The following PRKCB variants were observed in gnomAD, a reference collection of about 807,000 sequenced individuals.
PRKCB encodes protein kinase C beta type.
In PRKCB, 13 loss-of-function variants were observed where a neutral mutation model predicts 81.5. The ratio of observed to expected loss-of-function variants is 0.16; its 90% confidence interval spans 0.10 to 0.25. The LOEUF is 0.25. Among genes scored for constraint, PRKCB ranks in the 10% least tolerant of loss-of-function variants. The probability of loss-of-function intolerance (pLI) is 1.00; values close to 1 mark genes in which losing one functional copy is unlikely to be tolerated. For synonymous variants in PRKCB, 335 were observed against 321.4 expected, an observed-to-expected ratio of 1.04 and a Z score of -0.45; for missense variants, 509 against 875.7, an observed-to-expected ratio of 0.58 and a Z score of 5.29.
chr16:23,894,904 T>A (rs1963352994), intron 2 of PRKCB, among the ~76,000 whole-genome samples: 3 of 152,346 alleles, frequency 2.0e-5, no homozygotes, highest in Admixed American at 2.0e-4. Context: ...TTGACAAGTT[T>A]TTGCTATTTT....
At chr16:24,042,217 T>G (rs1965706823) in intron 5 of PRKCB, among the ~76,000 whole-genome samples, 1 of 152,176 alleles carries the variant, frequency 6.6e-6, no homozygotes, top group African/African-American at 2.4e-5. Flanking sequence ...GAGGGCCCAC[T>G]AGGGGGCAGT....
At chr16:24,160,629 G>A (rs1967239803) in intron 10 of PRKCB, among the ~76,000 whole-genome samples, 2 of 152,160 alleles carry the variant, frequency 1.3e-5, no homozygotes, top group Admixed American at 6.5e-5. Flanking sequence ...GCATCACCAT[G>A]ATGAGGTACA....
At position 24,013,239 on chromosome 16, in the gene PRKCB, T is replaced by C. The variant is rs111525521; in HGVS notation, c.289-18897T>C. Among the ~76,000 whole-genome samples, 356 of 152,352 alleles carry C rather than the reference T, an allele frequency of 2.3e-3. 1 individual carries two copies. Among genetic ancestry groups the C allele is most frequent in the African/African-American group, 8.0e-3 (333 of 41,576 alleles). On this transcript the variant is annotated intron_variant, in intron 3 of 16. Transcript: ENST00000643927. ...TGCTGTCACATATCTTAGGGACATC[T>C]AAATATTAGGTTGGTGCAAAAGTAA... is the stretch of plus-strand genomic sequence containing the variant.
intron 2 of PRKCB, among the ~76,000 whole-genome samples, chr16:23,984,236 G>T (rs1404598872): frequency 6.6e-6 from 1 of 152,178 alleles, no homozygotes; most frequent in African/African-American, 2.4e-5. Context: ...TGATATGGTT[G>T]GCATGGTTCT....
intron 2 of PRKCB, among the ~76,000 whole-genome samples, chr16:23,905,145 C>T (rs138119773): frequency 2.6e-5 from 4 of 151,462 alleles, no homozygotes; most frequent in East Asian, 1.9e-4. Context: ...GAGAAGCAGC[C>T]GGCCCTGGAA....
intron 2 of PRKCB, among the ~76,000 whole-genome samples, chr16:23,931,100 C>T (rs1963967266): frequency 6.6e-6 from 1 of 152,206 alleles, no homozygotes; most frequent in Non-Finnish European, 1.5e-5. Context: ...AAATGCCCAG[C>T]TGTGATTGGC....
At chr16:23,947,304 T>C (rs1964215814) in intron 2 of PRKCB, among the ~76,000 whole-genome samples, 1 of 152,240 alleles carries the variant, frequency 6.6e-6, no homozygotes, top group African/African-American at 2.4e-5. Context: ...CTGGTTCCTT[T>C]GGAGCAGCTG....
chr16:24,133,055 T>C (rs1010828111), intron 9 of PRKCB, among the ~76,000 whole-genome samples: 5 of 152,106 alleles, frequency 3.3e-5, no homozygotes, highest in African/African-American at 1.2e-4. Flanking sequence ...TTTTCCCTCT[T>C]ATTTTCTCAT....
chr16:23,854,639 A>T (rs1031414388), intron 2 of PRKCB, among the ~76,000 whole-genome samples: 1 of 152,230 alleles, frequency 6.6e-6, no homozygotes, highest in African/African-American at 2.4e-5. Flanking sequence ...GGCTCAGAAC[A>T]TGCATAACAT....
chr16:23,841,842 G>C (rs1248941169), intron 2 of PRKCB, among the ~76,000 whole-genome samples: 2 of 151,782 alleles, frequency 1.3e-5, no homozygotes, highest in Admixed American at 6.6e-5. Context: ...TTTTAGTAGA[G>C]GTGGGGTTTC....
chr16:23,981,676 C>T (rs931762707), intron 2 of PRKCB, among the ~76,000 whole-genome samples: 1 of 120,250 alleles, frequency 8.3e-6, no homozygotes, highest in African/African-American at 3.5e-5. Context: ...CTTTCTCTTC[C>T]CCTTCCCCTT....
chr16:24,127,004 C>CTT (rs34385102), intron 9 of PRKCB, among the ~76,000 whole-genome samples: 13 of 116,182 alleles, frequency 1.1e-4, no homozygotes, highest in East Asian at 2.4e-4. Context: ...TTCTTTTTTC[C>CTT]TTTTTTTTTT....
chr16:24,204,501 G>A (rs1011563961), intron 16 of PRKCB, among the ~76,000 whole-genome samples: 4 of 152,110 alleles, frequency 2.6e-5, no homozygotes, highest in Admixed American at 6.5e-5. Context: ...GGGAATCAAA[G>A]CTATAAAAAG....
intron 2 of PRKCB, among the ~76,000 whole-genome samples, chr16:23,887,423 C>T (rs1454966138): frequency 6.6e-6 from 1 of 152,128 alleles, no homozygotes; most frequent in Non-Finnish European, 1.5e-5. Context: ...GTTTAGCTTC[C>T]ACTATAGGTG....
intron 5 of PRKCB, among the ~76,000 whole-genome samples, chr16:24,052,539 G>C (rs1480855055): frequency 6.6e-6 from 1 of 152,164 alleles, no homozygotes; most frequent in Non-Finnish European, 1.5e-5. Flanking sequence ...CTAAAAAAGG[G>C]GTGGATTTTT....
chr16:23,994,375 G>A (rs1964929071), intron 3 of PRKCB, among the ~76,000 whole-genome samples: 1 of 152,190 alleles, frequency 6.6e-6, no homozygotes, highest in African/African-American at 2.4e-5. Context: ...TTAGCAGTTG[G>A]CAGAATCCCC....
At chr16:23,845,845 T>G (rs967779681) in intron 2 of PRKCB, among the ~76,000 whole-genome samples, 2 of 152,186 alleles carry the variant, frequency 1.3e-5, no homozygotes, top group Non-Finnish European at 2.9e-5. Flanking sequence ...GTTTACAGTT[T>G]GAGGTGGCTG....
At chr16:24,123,502 C>G (rs992304091) in intron 8 of PRKCB, among the ~76,000 whole-genome samples, 1 of 151,972 alleles carries the variant, frequency 6.6e-6, no homozygotes, top group East Asian at 1.9e-4. Context: ...TGTGTGAAAC[C>G]CAGTGTAAGG....
rs181671374 is a variant in PRKCB at position 24,036,907 on chromosome 16, G to A, written c.529+1360G>A. Among the ~76,000 whole-genome samples, 20 of 152,300 alleles carry A rather than the reference G, an allele frequency of 1.3e-4. No individual in the cohort carries two copies. In the East Asian group the frequency reaches 3.7e-3, roughly 28 times the overall value. Reference sequence around the variant, plus strand: ...TCGTTCCAAAGCATGACTGCGGGCAGCCAACATTTATGGGCCGCATGGGAT... The same window carrying A: ...TCGTTCCAAAGCATGACTGCGGGCAACCAACATTTATGGGCCGCATGGGAT... On this transcript the variant is annotated intron_variant, in intron 5 of 16. Transcript: ENST00000643927.
Sources: allele counts gnomAD v4.1 joint callset (sites outside exome capture counted in the v4.1 genomes callset), GRCh38; gene constraint gnomAD v4.1.1; transcripts MANE v1.5; gene names NCBI Gene and HGNC (gene_info 2026-07-23, HGNC 2026-07-21).